Variants in LATS1 observed in about 807,000 individuals in gnomAD.
LATS1 encodes serine/threonine-protein kinase LATS1.
LATS1 carries 25 observed loss-of-function variants against 106.6 expected under a neutral mutation model. The observed-to-expected ratio is 0.23, with a 90% CI of 0.17 to 0.33. The LOEUF (loss-of-function observed/expected upper bound fraction) is 0.33, where lower values mean the gene tolerates loss of function less well. Among genes scored for constraint, LATS1 ranks in the 10% least tolerant of loss-of-function variants. The pLI is 1.00. For synonymous variants in LATS1, 465 were observed against 455.6 expected (o/e 1.02, Z -0.26); for missense variants, 1,040 against 1,382.6 (o/e 0.75, Z 3.93).
intron 1 of LATS1, among the ~76,000 whole-genome samples, chr6:149,705,841 T>C (rs1163736746): frequency 5.9e-5 from 9 of 152,100 alleles, no homozygotes; most frequent in Non-Finnish European, 1.3e-4. Context: ...ATAATTCACC[T>C]TCCTCAAGAG....
chr6:149,683,632 A>G lies in LATS1; in HGVS notation c.1457T>C (p.Val486Ala). 1 of 1,614,170 alleles carries G rather than the reference A, an allele frequency of 6.2e-7. No homozygotes were observed. The highest frequency in any genetic ancestry group is 8.5e-7 in the Non-Finnish European group (1 of 1,180,026). Residue 486 changes from valine to alanine, a missense_variant, in exon 4 of 8, where the codon GTC becomes GCC. Transcript: ENST00000543571. ...SANSQPSATT[V>A]TAITPAPIQQ... ...AATAGGAGCTGGTGTAATTGCAGTG[A>G]CTGTTGTAGCAGAAGGCTGAGAATT... is the stretch of plus-strand genomic sequence containing the variant.
At chr6:149,714,737 G>A (rs77074800) in intron 1 of LATS1, among the ~76,000 whole-genome samples, 3 of 152,158 alleles carry the variant, frequency 2.0e-5, no homozygotes, top group African/African-American at 7.2e-5. Context: ...CTAGCATTAT[G>A]AAAAGCAGCC....
Position 149,684,460 on chromosome 6 carries a change from T to C in LATS1, c.629A>G (p.Asp210Gly), listed in dbSNP as rs1452405325. The change falls in exon 4 of 8, where the codon GAT becomes GGT. Residue 210 changes from aspartate to glycine, a missense_variant. By Grantham distance (94) the Asp-to-Gly change is moderately conservative. Coordinates refer to ENST00000543571, the MANE Select transcript of LATS1 (RefSeq NM_004690.4). ...AGATCCAGACAAAGGTCTTCCTACA[T>C]CTGTCTGTGAGTTGGGACTCTCAGA... The part of the protein sequence containing the change: ...YHSESPNSQT[D>G]VGRPLSGSGI... 1 of 1,614,134 alleles carries C rather than the reference T, an allele frequency of 6.2e-7. No homozygotes were observed. Among genetic ancestry groups the C allele is most frequent in the Non-Finnish European group, 8.5e-7 (1 of 1,180,006 alleles).
At chr6:149,708,370 G>T (rs1347210999) in intron 1 of LATS1, among the ~76,000 whole-genome samples, 1 of 146,726 alleles carries the variant, frequency 6.8e-6, no homozygotes, top group Non-Finnish European at 1.5e-5. Context: ...AGCCGAGACT[G>T]CACCACTGCA....
At chr6:149,676,147 C>T (rs571919283) in intron 7 of LATS1, 113 bp downstream of exon 7, 150 of 736,464 alleles carry the variant, frequency 2.0e-4, no homozygotes, top group African/African-American at 1.7e-3. Context: ...CCACTGCACC[C>T]GGCCCAAGTT....
At chr6:149,687,129 C>T (rs988483116) in intron 3 of LATS1, among the ~76,000 whole-genome samples, 2 of 150,106 alleles carry the variant, frequency 1.3e-5, no homozygotes, top group East Asian at 2.0e-4. Flanking sequence ...CTTGCTCTGT[C>T]GCCCAGGCTG....
chr6:149,690,454 C>A (rs1403790169), intron 3 of LATS1, among the ~76,000 whole-genome samples: 2 of 151,948 alleles, frequency 1.3e-5, no homozygotes, highest in Non-Finnish European at 2.9e-5. Flanking sequence ...CTCAGGTGAT[C>A]CACCCGCCCC....
At chr6:149,713,706 T>C (rs1215473564) in intron 1 of LATS1, among the ~76,000 whole-genome samples, 1 of 147,594 alleles carries the variant, frequency 6.8e-6, no homozygotes, top group Non-Finnish European at 1.5e-5. Flanking sequence ...GTTGCCCAGG[T>C]TGGAGTGCAA....
At position 149,718,043 on chromosome 6, in the gene LATS1, ACCGCCG is replaced by A. The variant is rs769671823; in HGVS notation, c.-341_-336del. ...CTGGCTCTCCCCTTAACACCAGGCCACCGCCGCCGCCGCCGCCATTTTGCCTTCCAC... is the reference window on the plus strand; with the variant it reads ...CTGGCTCTCCCCTTAACACCAGGCCACCGCCGCCGCCATTTTGCCTTCCAC... On this transcript the variant is annotated 5_prime_UTR_variant, in exon 1 of 8. Coordinates refer to ENST00000543571, the MANE Select transcript of LATS1 (RefSeq NM_004690.4). 1.5e-5 allele frequency: 5 copies of A among 328,926 alleles called. No homozygotes were observed. The highest frequency in any genetic ancestry group is 2.4e-5 in the Non-Finnish European group (4 of 170,166). The allele number at this position is 328,926 out of a possible 1,614,324, so 20.4% of individuals were successfully genotyped here.
chr6:149,683,008 A>C, intron 4 of LATS1, 71 bp downstream of exon 4: 2 of 1,216,374 alleles, frequency 1.6e-6, no homozygotes, highest in Non-Finnish European at 1.2e-6. Context: ...AATACTGGAC[A>C]CAATATTTTA....
At position 149,660,832 on chromosome 6, in the gene LATS1, G is replaced by C. The variant is rs1780855719; in HGVS notation, c.*897C>G. On this transcript the variant is annotated 3_prime_UTR_variant, in exon 8 of 8. Coordinates refer to ENST00000543571, the MANE Select transcript of LATS1 (RefSeq NM_004690.4). ...GTATATGCAGCACTGTTCTGAAAGA[G>C]GAAACAGGTAACATTGATGATATAA... 1.4e-5 allele frequency: 3 copies of C among 215,910 alleles called. No individual in the cohort carries two copies. The East Asian group carries it at 2.1e-4, about 15-fold the overall frequency. 13.4% of individuals were successfully genotyped at this position (215,910 alleles called of 1,614,324 possible).
intron 5 of LATS1, among the ~76,000 whole-genome samples, chr6:149,677,040 G>A (rs901046866): frequency 5.3e-5 from 8 of 152,174 alleles, no homozygotes; most frequent in African/African-American, 2.4e-5. Context: ...CCCACTCCCT[G>A]TTACTACTCT....
chr6:149,678,365 CA>C (rs1290916646), intron 5 of LATS1, among the ~76,000 whole-genome samples: 4 of 151,572 alleles, frequency 2.6e-5, no homozygotes, highest in Non-Finnish European at 4.4e-5. Flanking sequence ...AACAAACAAA[CA>C]AAAAACAACA....
intron 7 of LATS1, among the ~76,000 whole-genome samples, chr6:149,662,957 C>T (rs558222552): frequency 8.2e-6 from 1 of 121,316 alleles, no homozygotes; most frequent in African/African-American, 3.3e-5. Flanking sequence ...CAGAGCGAGA[C>T]ACTGTCTCCA....
chr6:149,675,592 T>G (rs1010666387), intron 7 of LATS1: 1 of 152,252 alleles, frequency 6.6e-6, no homozygotes, highest in Admixed American at 6.5e-5. Context: ...AGTTTCGCCC[T>G]TTCACCCAGG....
chr6:149,669,292 C>T (rs538738042), intron 7 of LATS1, among the ~76,000 whole-genome samples: 1 of 151,958 alleles, frequency 6.6e-6, no homozygotes. Context: ...TGCCACCACA[C>T]CCAGCTAATT....
At chr6:149,694,434 C>T (rs567359130) in intron 3 of LATS1, among the ~76,000 whole-genome samples, 62 of 152,260 alleles carry the variant, frequency 4.1e-4, no homozygotes, top group Middle Eastern at 3.4e-3. Context: ...ATCAGTCTCC[C>T]ATAGTATTGA....
At chr6:149,705,399 T>C (rs2114981128) in intron 1 of LATS1, among the ~76,000 whole-genome samples, 1 of 152,266 alleles carries the variant, frequency 6.6e-6, no homozygotes, top group Non-Finnish European at 1.5e-5. Context: ...AAACCTACCA[T>C]TTCTCCATGA....
intron 7 of LATS1, among the ~76,000 whole-genome samples, chr6:149,663,415 G>C (rs1033316247): frequency 1.3e-5 from 2 of 151,960 alleles, no homozygotes; most frequent in Non-Finnish European, 2.9e-5. Context: ...GTCGAGGCTA[G>C]AGTGAGCCGT....
Sources: gnomAD v4.1 joint callset for allele counts (sites outside exome capture counted in the v4.1 genomes callset) on GRCh38, gnomAD v4.1.1 for gene constraint, MANE v1.5 for transcripts, NCBI Gene and HGNC (gene_info 2026-07-23, HGNC 2026-07-21) for gene names.